The following NOBOX variants were observed in gnomAD, a reference collection of about 807,000 sequenced individuals.
NOBOX encodes NOBOX oogenesis homeobox.
Under a neutral mutation model 60.2 loss-of-function variants are expected in NOBOX, and 46 were observed. The ratio of observed to expected loss-of-function variants is 0.76; its 90% CI spans 0.60 to 0.98. NOBOX has a LOEUF of 0.98. Ranked by LOEUF, NOBOX falls within the 50% of genes least tolerant of loss-of-function variation. The probability of loss-of-function intolerance (pLI) is 0.00; values close to 1 mark genes in which losing one functional copy is unlikely to be tolerated. For synonymous variants in NOBOX, 360 were observed against 346.3 expected (o/e 1.04, Z -0.44); for missense variants, 880 against 865.5 (o/e 1.02, Z -0.21).
At chr7:144,407,736 ACAC>A (rs2053995729) in intron 1 of NOBOX, among the ~76,000 whole-genome samples, 1 of 152,202 alleles carries the variant, frequency 6.6e-6, no homozygotes, top group African/African-American at 2.4e-5. Context: ...GGAATTAGGA[ACAC>A]CTGGCTAGAG....
rs373867875 is a variant in NOBOX at position 144,401,175 on chromosome 7, G to A, written c.715C>T (p.Arg239Trp). 36 of 1,613,156 alleles carry A rather than the reference G, an allele frequency of 2.2e-5. No individual in the cohort carries two copies. The highest frequency in any genetic ancestry group is 1.1e-4 in the African/African-American group (8 of 74,892). ...AGATTGGCCAGGTGGCAGGGCCCCCGGCCTGACCCACAGGGCACTGGGTTG... is the reference window on the plus strand; with the variant it reads ...AGATTGGCCAGGTGGCAGGGCCCCCAGCCTGACCCACAGGGCACTGGGTTG... The change falls in exon 4 of 10, where the codon CGG (arginine) becomes TGG (tryptophan). Residue 239 changes from arginine to tryptophan, a missense_variant. By Grantham distance (101) the Arg-to-Trp change is moderately radical (BLOSUM62 -3). Transcript: ENST00000467773. This position sits in a 1 kb window ranked among gnomAD's most constrained non-coding sequence, Gnocchi z 4.2.
chr7:144,407,741 T>G (rs2053995767), intron 1 of NOBOX, among the ~76,000 whole-genome samples: 1 of 152,222 alleles, frequency 6.6e-6, no homozygotes, highest in South Asian at 2.1e-4. Context: ...TAGGAACACC[T>G]GGCTAGAGTG....
chr7:144,403,364 G>A (rs2053956705), intron 2 of NOBOX, among the ~76,000 whole-genome samples: 1 of 152,152 alleles, frequency 6.6e-6, no homozygotes, highest in Admixed American at 6.5e-5. Context: ...GAAGGGGACG[G>A]GTGTCAGACC....
intron 6 of NOBOX, 134 bp from the exon 5 acceptor site, chr7:144,399,616 G>T: frequency 1.8e-6 from 2 of 1,121,228 alleles, no homozygotes; most frequent in Non-Finnish European, 2.6e-6. Flanking sequence ...TCCCATGGCA[G>T]CCAAAATCCC....
chr7:144,404,469 G>T, intron 2 of NOBOX: 2 of 1,169,818 alleles, frequency 1.7e-6, no homozygotes, highest in Non-Finnish European at 2.5e-6. Flanking sequence ...GGCTGGGCTA[G>T]AACTCCTGAC....
chr7:144,401,561 G>A lies in NOBOX; in HGVS notation c.329C>T (p.Pro110Leu), dbSNP rs1465960089. The change falls in exon 4 of 10, where the codon CCC becomes CTC. Residue 110 changes from proline (P) to leucine (L), a missense_variant. Physicochemically the swap from Pro to Leu is moderately conservative, Grantham distance 98. Transcript: ENST00000467773. This position sits in a 1 kb window ranked among gnomAD's most constrained non-coding sequence, Gnocchi z 4.2. ...GCCCCGGAGCAGTTCCTCCTCCCCGGGTCCTGCAGCCAGGGGCTTCTCTCC... is the reference window on the plus strand; with the variant it reads ...GCCCCGGAGCAGTTCCTCCTCCCCGAGTCCTGCAGCCAGGGGCTTCTCTCC... 4.6e-6 allele frequency: 7 copies of A among 1,510,946 alleles called. No homozygotes were observed. In the African/African-American group the frequency reaches 7.0e-5, roughly 15 times the overall value. The allele number at this position is 1,510,946 out of a possible 1,614,324, so 93.6% of individuals were successfully genotyped here.
At position 144,397,258 on chromosome 7, in the gene NOBOX, C is replaced by T. The variant is rs1324512427; in HGVS notation, c.2058G>A (p.Lys686=). Residue 686 remains lysine (K), a synonymous_variant, in exon 10 of 10, where the codon AAG becomes AAA. Coordinates refer to ENST00000467773, the MANE Select transcript of NOBOX (RefSeq NM_001080413.3). ...CCCCCAACTAGGGGACATGGCTATT[C>T]TTGTCATCCCCTCTGGCCTCCTCCA... The T allele has an allele frequency of 6.5e-7, 1 of 1,532,990 alleles. No individual in the cohort carries two copies. Among genetic ancestry groups the T allele is most frequent in the African/African-American group, 1.4e-5 (1 of 73,090 alleles). The allele number at this position is 1,532,990 out of a possible 1,614,324, so 95.0% of individuals were successfully genotyped here.
In NOBOX at chr7:144,401,652, C is replaced by A; in HGVS notation, c.293-55G>T. 1 of 1,475,254 alleles carries A rather than the reference C, an allele frequency of 6.8e-7. No individual in the cohort carries two copies. The highest frequency in any genetic ancestry group is 9.0e-7 in the Non-Finnish European group (1 of 1,113,730). The allele number at this position is 1,475,254 out of a possible 1,614,324, so 91.4% of individuals were successfully genotyped here. A position where few individuals can be genotyped will look rare whatever the true frequency, so the allele number is the denominator to read the frequency against. ...GCACCAGGGAGAAGGAAGAACTGGA[C>A]CAAGAGGAAGTGCTGCTTCCTGCTT... On this transcript the variant is annotated intron_variant, in intron 3 of 9. Transcript: ENST00000467773. The surrounding 1 kb of genome is among the most constrained non-coding windows in gnomAD (Gnocchi z 4.2).
rs2053941528 is a variant in NOBOX at position 144,401,810 on chromosome 7, A to G, written c.292+59T>C. On this transcript the variant is annotated intron_variant, in intron 3 of 9. Transcript: ENST00000467773. This position sits in a 1 kb window ranked among gnomAD's most constrained non-coding sequence, Gnocchi z 4.2. The stretch of plus-strand genomic sequence containing the variant: ...CAACTTCTTTGAAAAATGTAGACAA[A>G]TTTATGCAATTCTGAGACGGCGTTA... The G allele has an allele frequency of 7.8e-7, 1 of 1,277,996 alleles. No individual in the cohort carries two copies. Among genetic ancestry groups the G allele is most frequent in the South Asian group, 1.3e-5 (1 of 77,584 alleles). The allele number at this position is 1,277,996 out of a possible 1,614,324, so 79.2% of individuals were successfully genotyped here.
Position 144,401,539 on chromosome 7 carries a change from C to T in NOBOX, c.351G>A (p.Arg117=). ...TGTCCTGAGCATGAGGGGCTGAGCC[C>T]CGGAGCAGTTCCTCCTCCCCGGGTC... The change falls in exon 4 of 10, where the codon CGG becomes CGA. Residue 117 remains arginine (R), a synonymous_variant. Coordinates refer to ENST00000467773, the MANE Select transcript of NOBOX (RefSeq NM_001080413.3). The surrounding 1 kb of genome is among the most constrained non-coding windows in gnomAD (Gnocchi z 4.2). 6.6e-7 allele frequency: 1 copy of T among 1,515,668 alleles called. No homozygotes were observed. Among genetic ancestry groups the T allele is most frequent in the Non-Finnish European group, 8.8e-7 (1 of 1,137,194 alleles). The allele number at this position is 1,515,668 out of a possible 1,614,324, so 93.9% of individuals were successfully genotyped here.
At chr7:144,399,311 C>T in intron 7 of NOBOX, 86 bp downstream of exon 5, 1 of 1,069,582 alleles carries the variant, frequency 9.3e-7, no homozygotes, top group Non-Finnish European at 1.4e-6. Context: ...CTGGAGGACT[C>T]CAGTCACTCC....
At chr7:144,407,409 G>C (rs1356097514) in intron 1 of NOBOX, among the ~76,000 whole-genome samples, 1 of 152,232 alleles carries the variant, frequency 6.6e-6, no homozygotes. Context: ...AATCTGCAGG[G>C]AGATTGTAGT....
At chr7:144,400,391 G>T in intron 4 of NOBOX, 79 bp from the exon 3 acceptor site, 1 of 1,310,566 alleles carries the variant, frequency 7.6e-7, no homozygotes, top group Non-Finnish European at 1.1e-6. Context: ...TGCTCACCAA[G>T]TATCTCCAAC....
At position 144,400,146 on chromosome 7, in the gene NOBOX, T is replaced by A; in HGVS notation, c.1011A>T (p.Thr337=). ...CTGAGCGCTCACTCTGCAATTCGAG[T>A]GTTTCAATGGTGGGCCCTCCGCCAC... Residue 337 remains threonine (T), a synonymous_variant, in exon 5 of 10, where the codon ACA becomes ACT. Transcript: ENST00000467773. The A allele has an allele frequency of 6.2e-7, 1 of 1,613,802 alleles. No homozygotes were observed. Among genetic ancestry groups the A allele is most frequent in the Non-Finnish European group, 8.5e-7 (1 of 1,179,884 alleles).
Position 144,401,614 on chromosome 7 carries a change from T to G in NOBOX, c.293-17A>C. 5 of 1,499,284 alleles carry G rather than the reference T, an allele frequency of 3.3e-6. No individual in the cohort carries two copies. The highest frequency in any genetic ancestry group is 4.4e-6 in the Non-Finnish European group (5 of 1,132,622). 92.9% of individuals were successfully genotyped at this position (1,499,284 alleles called of 1,614,324 possible). On this transcript the variant is annotated splice_polypyrimidine_tract_variant and intron_variant, in intron 3 of 9. Coordinates refer to ENST00000467773, the MANE Select transcript of NOBOX (RefSeq NM_001080413.3). The surrounding 1 kb of genome is among the most constrained non-coding windows in gnomAD (Gnocchi z 4.2). ...CTTTCTGGCCTGTGGGGAGCCAACA[T>G]CCACTGACCTTAGCACCAGGGAGAA... is the stretch of plus-strand genomic sequence containing the variant.
At chr7:144,398,660 C>T in intron 8 of NOBOX, 74 bp from the exon 7 acceptor site, 1 of 1,099,052 alleles carries the variant, frequency 9.1e-7, no homozygotes. Context: ...GTAGCGGAGT[C>T]CCTACCTCTC....
intron 6 of NOBOX, 108 bp from the exon 5 acceptor site, chr7:144,399,590 A>T (rs2053921422): frequency 1.0e-5 from 12 of 1,159,606 alleles, no homozygotes. Context: ...CCTACAGGGC[A>T]TTGGCAACTT....
At chr7:144,408,726 C>T (rs1163228920) in intron 1 of NOBOX, among the ~76,000 whole-genome samples, 2 of 152,158 alleles carry the variant, frequency 1.3e-5, no homozygotes, top group Non-Finnish European at 2.9e-5. Flanking sequence ...TAGTGAATCC[C>T]GCATGGGGGA....
rs1178214383 is a variant in NOBOX at position 144,398,211 on chromosome 7, A to T, written c.1774+71T>A. The T allele has an allele frequency of 2.2e-6, 3 of 1,374,616 alleles. No individual in the cohort carries two copies. The Admixed American group carries it at 5.9e-5, about 27-fold the overall frequency. 85.2% of individuals were successfully genotyped at this position (1,374,616 alleles called of 1,614,324 possible). ...TGACCTGCCTCAGTCTACCCTCCAG[A>T]TAACTTGGCTCTTTGTCCCCTCCCA... On this transcript the variant is annotated intron_variant, in intron 9 of 9. Transcript: ENST00000467773.
Sources: allele counts gnomAD v4.1 joint callset (sites outside exome capture counted in the v4.1 genomes callset), GRCh38; gene constraint gnomAD v4.1.1; non-coding constraint Gnocchi (gnomAD v3.1); transcripts MANE v1.5; gene names NCBI Gene and HGNC (gene_info 2026-07-23, HGNC 2026-07-21).